EPB41L3: variants seen among roughly 807,000 people sequenced by gnomAD.
EPB41L3 encodes erythrocyte membrane protein band 4.1 like 3, also known as band 4.1-like protein 3.
EPB41L3 carries 57 observed loss-of-function variants against 127.1 expected under a neutral mutation model. The ratio of observed to expected loss-of-function variants is 0.45; its 90% confidence interval spans 0.36 to 0.56. EPB41L3 has a LOEUF of 0.56. Ranked by LOEUF, EPB41L3 falls within the 20% of genes least tolerant of loss-of-function variation. The pLI, the probability that EPB41L3 is intolerant of heterozygous loss-of-function variation, is 0.00. For missense variants in EPB41L3, 1,273 were observed against 1,372.2 expected, an observed-to-expected ratio of 0.93 and a Z score of 1.14; for synonymous variants, 572 against 549.5, an observed-to-expected ratio of 1.04 and a Z score of -0.57.
intron 11 of EPB41L3, among the ~76,000 whole-genome samples, chr18:5,421,562 C>G (rs958229044): frequency 5.3e-5 from 8 of 152,136 alleles, no homozygotes; most frequent in Admixed American, 5.2e-4. Context: ...ACTTCCTAGG[C>G]TAGCTCACAA....
rs2072695491 is a variant in EPB41L3 at position 5,393,301 on chromosome 18, C to T, written c.*184G>A. On this transcript the variant is annotated 3_prime_UTR_variant, in exon 23 of 23. Transcript: ENST00000341928. The stretch of plus-strand genomic sequence containing the variant: ...GGTTTAGTGATGCTGAATCAGATTG[C>T]TTTATTATGGGAAGATCTCTCTGCC... The T allele has an allele frequency of 2.1e-6, 1 of 467,488 alleles. No individual in the cohort carries two copies. The highest frequency in any genetic ancestry group is 3.8e-6 in the Non-Finnish European group (1 of 264,364). The allele number at this position is 467,488 out of a possible 1,614,324, so 29.0% of individuals were successfully genotyped here.
intron 2 of EPB41L3, 85 bp from the exon 3 acceptor site, chr18:5,478,523 TC>T (rs2087713819): frequency 8.0e-7 from 1 of 1,247,110 alleles, no homozygotes; most frequent in South Asian, 1.3e-5. Flanking sequence ...AAAACTGCTT[TC>T]TATTTCATAG....
chr18:5,510,945 C>T (rs1400304229), intron 1 of EPB41L3, among the ~76,000 whole-genome samples: 4 of 151,898 alleles, frequency 2.6e-5, no homozygotes, highest in African/African-American at 9.7e-5. Context: ...TCATTGTAGG[C>T]AATCAGTTAA....
chr18:5,613,506 C>A (rs773642671), intron 2 of EPB41L3, among the ~76,000 whole-genome samples: 4 of 152,158 alleles, frequency 2.6e-5, no homozygotes, highest in Non-Finnish European at 4.4e-5. Flanking sequence ...ACCCCTCCAA[C>A]CAAACAAAGG....
At chr18:5,575,169 AC>A (rs2094325107) in intron 3 of EPB41L3, among the ~76,000 whole-genome samples, 2 of 152,182 alleles carry the variant, frequency 1.3e-5, no homozygotes, top group African/African-American at 4.8e-5. Flanking sequence ...TTGTTCTGCC[AC>A]TTGCTGTTTA....
At chr18:5,517,577 A>C (rs1039934227) in intron 1 of EPB41L3, among the ~76,000 whole-genome samples, 14 of 152,058 alleles carry the variant, frequency 9.2e-5, no homozygotes, top group Admixed American at 9.2e-4. Context: ...CTGGGACTAC[A>C]GGCATGAACC....
intron 9 of EPB41L3, among the ~76,000 whole-genome samples, chr18:5,424,841 T>G (rs1006696773): frequency 6.6e-6 from 1 of 152,224 alleles, no homozygotes; most frequent in South Asian, 2.1e-4. Context: ...TCTTAGGTAG[T>G]TGATAACTTG....
chr18:5,607,350 T>C (rs1386770111), intron 3 of EPB41L3, among the ~76,000 whole-genome samples: 1 of 152,198 alleles, frequency 6.6e-6, no homozygotes, highest in African/African-American at 2.4e-5. Flanking sequence ...AACAGCCTCA[T>C]TCTGGCTGAG....
Position 5,509,488 on chromosome 18 carries a change from C to T in EPB41L3, c.-11-20294G>A, listed in dbSNP as rs1037679533. 7.2e-5 allele frequency among the ~76,000 whole-genome samples: 11 copies of T among 152,252 alleles called. No individual in the cohort carries two copies. In the East Asian group the frequency reaches 1.5e-3, roughly 21 times the overall value. On this transcript the variant is annotated intron_variant, in intron 1 of 22. Transcript: ENST00000341928. ...TAAAAACATTAATCTTCCTATTTCA[C>T]GGTTTGGTACTTTAGAATCACACTA... is the stretch of plus-strand genomic sequence containing the variant.
In EPB41L3 at chr18:5,543,282, G is replaced by C. The variant is rs1341046550; in HGVS notation, c.-12+631C>G. The C allele has an allele frequency of 6.6e-6, 1 of 150,632 alleles. No individual in the cohort carries two copies. Among genetic ancestry groups the C allele is most frequent in the African/African-American group, 2.4e-5 (1 of 41,290 alleles). 9.3% of individuals were successfully genotyped at this position (150,632 alleles called of 1,614,324 possible). ...TTATATAAAAGCGGCCGGCCCCCCT[G>C]CCCAGCGGGGATGCTTTGTGCGGAG... is the stretch of plus-strand genomic sequence containing the variant. On this transcript the variant is annotated intron_variant, in intron 1 of 22. Transcript: ENST00000341928. The surrounding 1 kb of genome is among the most constrained non-coding windows in gnomAD (Gnocchi z 5.2).
upstream of EPB41L3, among the ~76,000 whole-genome samples, chr18:5,629,663 G>T (rs1269476195): frequency 6.6e-6 from 1 of 152,200 alleles, no homozygotes; most frequent in Non-Finnish European, 1.5e-5. Context: ...CTCTGGGCTA[G>T]CGGTTCGAGC....
At chr18:5,630,439 A>G (rs754548426), upstream of EPB41L3, 4 of 518,948 alleles carry the variant, frequency 7.7e-6, no homozygotes, top group South Asian at 4.2e-5. Context: ...CGCAGGCACA[A>G]CCTTCCTTGG....
At chr18:5,518,805 C>T (rs181508438) in intron 1 of EPB41L3, among the ~76,000 whole-genome samples, 3 of 152,264 alleles carry the variant, frequency 2.0e-5, no homozygotes, top group East Asian at 3.9e-4. Flanking sequence ...CCCAGACTCT[C>T]GCTGCTTAAG....
rs530144610 is a variant in EPB41L3 at position 5,489,375 on chromosome 18, C to T, written c.-11-181G>A. On this transcript the variant is annotated intron_variant, in intron 1 of 22. Transcript: ENST00000341928. ...TCAACTTCACCACTGAGATGGGTGC[C>T]CACCAGGCACTCAAAACTAACATTT... 2.5e-5 allele frequency: 15 copies of T among 588,742 alleles called. No individual in the cohort carries two copies. In the South Asian group the frequency reaches 3.9e-4, roughly 15 times the overall value. 36.5% of individuals were successfully genotyped at this position (588,742 alleles called of 1,614,324 possible). A position where few individuals can be genotyped will look rare whatever the true frequency, so the allele number is the denominator to read the frequency against.
intron 6 of EPB41L3, among the ~76,000 whole-genome samples, chr18:5,435,636 C>T (rs2079660019): frequency 6.6e-6 from 1 of 152,164 alleles, no homozygotes; most frequent in African/African-American, 2.4e-5. Context: ...GATGTTCACA[C>T]AACAACAAAA....
intron 1 of EPB41L3, among the ~76,000 whole-genome samples, chr18:5,528,652 G>C (rs910388363): frequency 5.9e-5 from 9 of 151,750 alleles, no homozygotes; most frequent in Non-Finnish European, 1.3e-4. Context: ...GGCTGGAGTA[G>C]AGTGGTGTGA....
chr18:5,490,048 G>A (rs532473619), intron 1 of EPB41L3, among the ~76,000 whole-genome samples: 2 of 152,340 alleles, frequency 1.3e-5, no homozygotes, highest in South Asian at 4.1e-4. Context: ...TGTGCCAAAT[G>A]AGGACACTGA....
intron 18 of EPB41L3, among the ~76,000 whole-genome samples, chr18:5,396,590 TAGAA>T (rs910322403): frequency 3.3e-4 from 51 of 152,282 alleles, no homozygotes; most frequent in African/African-American, 1.2e-3. Context: ...AATAACTTCT[TAGAA>T]AGAAGAAACT....
At chr18:5,423,710 T>C (rs1326593075) in intron 10 of EPB41L3, among the ~76,000 whole-genome samples, 157 bp from the exon 11 acceptor site, 2 of 152,216 alleles carry the variant, frequency 1.3e-5, no homozygotes, top group African/African-American at 2.4e-5. Context: ...AGAATGCATA[T>C]AGTATATATC....
Sources: allele counts gnomAD v4.1 joint callset (sites outside exome capture counted in the v4.1 genomes callset), GRCh38; gene constraint gnomAD v4.1.1; non-coding constraint Gnocchi (gnomAD v3.1); transcripts MANE v1.5; gene names NCBI Gene and HGNC (gene_info 2026-07-23, HGNC 2026-07-21).